The following ZBTB20 variants were observed in gnomAD, a reference collection of about 807,000 sequenced individuals.
ZBTB20 encodes zinc finger and BTB domain-containing protein 20.
Under a neutral mutation model 56.9 loss-of-function variants are expected in ZBTB20, and 9 were observed. The observed-to-expected ratio is 0.16, with a 90% CI of 0.10 to 0.28. The LOEUF is 0.28. Ranked by LOEUF, ZBTB20 falls within the 10% of genes least tolerant of loss-of-function variation. The probability of loss-of-function intolerance (pLI) is 1.00; values close to 1 mark genes in which losing one functional copy is unlikely to be tolerated. For missense variants in ZBTB20, 655 were observed against 1,003.0 expected (o/e 0.65, Z 4.69); for synonymous variants, 417 against 420.7 (o/e 0.99, Z 0.11).
At chr3:114,561,473 T>C (rs949169763) in intron 6 of ZBTB20, among the ~76,000 whole-genome samples, 3 of 152,200 alleles carry the variant, frequency 2.0e-5, no homozygotes, top group African/African-American at 7.2e-5. Flanking sequence ...GGGCTGCTAA[T>C]AGATGTCGTG....
chr3:114,836,769 C>T (rs1298041004), intron 4 of ZBTB20, among the ~76,000 whole-genome samples: 2 of 152,222 alleles, frequency 1.3e-5, no homozygotes, highest in African/African-American at 4.8e-5. Flanking sequence ...GGTCTCCTAA[C>T]TGATTTCTCT....
intron 4 of ZBTB20, among the ~76,000 whole-genome samples, chr3:114,848,183 C>T (rs2074812335): frequency 6.6e-6 from 1 of 152,122 alleles, no homozygotes; most frequent in African/African-American, 2.4e-5. Context: ...ATAAACTAAG[C>T]AGATTAGATG....
Position 114,818,715 on chromosome 3 carries a change from C to T in ZBTB20, c.-416-17541G>A, listed in dbSNP as rs1248400203. Reference sequence around the variant, plus strand: ...TCAAATAATATCTGTCTTAAATCAACAACCAATATCTGCCTTAAATATGAA... The same window carrying T: ...TCAAATAATATCTGTCTTAAATCAATAACCAATATCTGCCTTAAATATGAA... On this transcript the variant is annotated intron_variant, in intron 4 of 11. Coordinates refer to ENST00000675478, the MANE Select transcript of ZBTB20 (RefSeq NM_001348800.3). Among the ~76,000 whole-genome samples, 3 of 151,764 alleles carry T rather than the reference C, an allele frequency of 2.0e-5. No individual in the cohort carries two copies. In the East Asian group the frequency reaches 5.8e-4, roughly 29 times the overall value.
chr3:114,849,038 G>A (rs2074862970), intron 4 of ZBTB20, among the ~76,000 whole-genome samples: 1 of 152,206 alleles, frequency 6.6e-6, no homozygotes, highest in South Asian at 2.1e-4. Flanking sequence ...AAAACCTGTA[G>A]ACAGAGTAGT....
intron 6 of ZBTB20, among the ~76,000 whole-genome samples, chr3:114,577,025 TC>T (rs1173447267): frequency 6.6e-6 from 1 of 152,168 alleles, no homozygotes; most frequent in Non-Finnish European, 1.5e-5. Context: ...AAAACAGGAT[TC>T]AAATATTATT....
intron 5 of ZBTB20, among the ~76,000 whole-genome samples, chr3:114,718,567 G>A (rs138620212): frequency 1.3e-5 from 2 of 152,174 alleles, no homozygotes; most frequent in Admixed American, 6.5e-5. Context: ...TCACTGACAC[G>A]AGAAAATATC....
At chr3:115,035,945 C>T (rs1001586104) in intron 2 of ZBTB20, among the ~76,000 whole-genome samples, 4 of 152,002 alleles carry the variant, frequency 2.6e-5, no homozygotes, top group Non-Finnish European at 5.9e-5. Context: ...TTTGAGGACA[C>T]TATGCTAAAT....
intron 1 of ZBTB20, among the ~76,000 whole-genome samples, chr3:115,109,104 C>T (rs2083802932): frequency 6.6e-6 from 1 of 152,132 alleles, no homozygotes; most frequent in African/African-American, 2.4e-5. Context: ...GTATTAGACA[C>T]ATATACTATA....
At chr3:114,997,184 T>C (rs1233123546) in intron 2 of ZBTB20, among the ~76,000 whole-genome samples, 2 of 151,826 alleles carry the variant, frequency 1.3e-5, no homozygotes, top group South Asian at 2.1e-4. Flanking sequence ...AGTATCACCA[T>C]GTTTTTGGTA....
At chr3:114,402,005 A>G (rs551192107) in intron 7 of ZBTB20, among the ~76,000 whole-genome samples, 1 of 152,338 alleles carries the variant, frequency 6.6e-6, no homozygotes, top group African/African-American at 2.4e-5. Context: ...AAGTAGCTGT[A>G]CATATCATGT....
chr3:114,733,983 T>C (rs918815486), intron 5 of ZBTB20, among the ~76,000 whole-genome samples: 1 of 152,096 alleles, frequency 6.6e-6, no homozygotes, highest in Non-Finnish European at 1.5e-5. Context: ...ATGATTCACA[T>C]ATACCAAAAC....
chr3:114,566,699 T>C, intron 6 of ZBTB20, among the ~76,000 whole-genome samples: 1 of 152,150 alleles, frequency 6.6e-6, no homozygotes, highest in Non-Finnish European at 1.5e-5. Flanking sequence ...GCCAGAAAAA[T>C]TGCTATCCTA....
intron 5 of ZBTB20, among the ~76,000 whole-genome samples, chr3:114,727,671 C>CA (rs1443228751): frequency 1.3e-5 from 2 of 151,544 alleles, no homozygotes; most frequent in African/African-American, 2.4e-5. Flanking sequence ...TGATGGCAGA[C>CA]AAAAAACATG....
chr3:114,965,882 A>G (rs2077628669), intron 3 of ZBTB20, among the ~76,000 whole-genome samples: 1 of 152,050 alleles, frequency 6.6e-6, no homozygotes, highest in African/African-American at 2.4e-5. Flanking sequence ...GAGTTGTTTG[A>G]GTTCCTTATA....
At chr3:114,870,468 T>G (rs1259077637) in intron 4 of ZBTB20, among the ~76,000 whole-genome samples, 5 of 150,910 alleles carry the variant, frequency 3.3e-5, no homozygotes, top group Non-Finnish European at 3.0e-5. Context: ...GGGGTTATAC[T>G]TAATACGAAG....
At chr3:114,947,496 C>A (rs992374086) in intron 3 of ZBTB20, among the ~76,000 whole-genome samples, 14 of 146,136 alleles carry the variant, frequency 9.6e-5, no homozygotes, top group Admixed American at 7.3e-4. Context: ...GGAATCACAT[C>A]TTTTGCAGCA....
At chr3:114,427,985 G>A (rs1049940714) in intron 7 of ZBTB20, among the ~76,000 whole-genome samples, 3 of 152,128 alleles carry the variant, frequency 2.0e-5, no homozygotes, top group African/African-American at 4.8e-5. Flanking sequence ...ATAAAGTCAC[G>A]GGGACTGGGG....
intron 7 of ZBTB20, among the ~76,000 whole-genome samples, chr3:114,430,342 G>C (rs1395016418): frequency 6.6e-6 from 1 of 152,168 alleles, no homozygotes; most frequent in East Asian, 1.9e-4. Flanking sequence ...CAGCAAGATT[G>C]TGTTTTGAGC....
In ZBTB20 at chr3:114,350,597, G is replaced by T. The variant is rs147600842; in HGVS notation, c.1481C>A (p.Thr494Asn). The T allele has an allele frequency of 6.2e-7, 1 of 1,614,058 alleles. No individual in the cohort carries two copies. Among genetic ancestry groups the T allele is most frequent in the African/African-American group, 1.3e-5 (1 of 74,924 alleles). ...TSNLRMPLTL[T>N]SNTQVIGTAG... ...TGTGCCAATGACCTGCGTGTTGCTG[G>T]TCAAGGTCAGAGGCATCCTCAGGTT... Residue 494 changes from threonine (T) to asparagine (N), a missense_variant, in exon 11 of 12, where the codon ACC (threonine) becomes AAC (asparagine). Physicochemically the swap from Thr to Asn is moderately conservative, Grantham distance 65. Around this residue, in one of 10 missense-constraint regions of ZBTB20, gnomAD observed 11 missense variants for 35.8 expected, o/e 0.31. Transcript: ENST00000675478.
Sources: allele counts gnomAD v4.1 joint callset (sites outside exome capture counted in the v4.1 genomes callset), GRCh38; gene constraint gnomAD v4.1.1; regional missense constraint gnomAD v4.1.1; transcripts MANE v1.5; gene names NCBI Gene and HGNC (gene_info 2026-07-23, HGNC 2026-07-21).